ARID3A: variants seen among roughly 807,000 people sequenced by gnomAD.
The protein encoded by ARID3A is AT-rich interaction domain 3A, also known as AT-rich interactive domain-containing protein 3A.
In ARID3A, 11 loss-of-function variants were observed where a neutral mutation model predicts 52.7. That is an observed-to-expected ratio of 0.21 (90% CI 0.13 to 0.35). The LOEUF (loss-of-function observed/expected upper bound fraction) is 0.35. Among genes scored for constraint, ARID3A ranks in the 10% least tolerant of loss-of-function variants. ARID3A has a pLI of 1.00. For synonymous variants in ARID3A, 404 were observed against 359.4 expected (o/e 1.12, Z -1.40); for missense variants, 721 against 838.5 (o/e 0.86, Z 1.73).
At chr19:951,703 G>A (rs1312347935) in intron 3 of ARID3A, among the ~76,000 whole-genome samples, 1 of 152,216 alleles carries the variant, frequency 6.6e-6, no homozygotes. Flanking sequence ...TCAGGCTGCT[G>A]CCCGGAGGGG....
intron 3 of ARID3A, among the ~76,000 whole-genome samples, chr19:943,263 A>G (rs1010564127): frequency 2.0e-5 from 3 of 151,566 alleles, no homozygotes; most frequent in Non-Finnish European, 4.4e-5. Flanking sequence ...CCTGTGTCAA[A>G]AAAAGAAAAA....
At position 945,263 on chromosome 19, in the gene ARID3A, G is replaced by A. The variant is rs575737647; in HGVS notation, c.693+12521G>A. On this transcript the variant is annotated intron_variant, in intron 3 of 8. Transcript: ENST00000263620. The stretch of plus-strand genomic sequence containing the variant: ...CCTCTCGGCCTCAGTTTCCCCGCCC[G>A]TAAGACGGGGATGGTATCAGAAGGA... Among the ~76,000 whole-genome samples, 5 of 152,352 alleles carry A rather than the reference G, an allele frequency of 3.3e-5. No homozygotes were observed. In the South Asian group the frequency reaches 8.3e-4, roughly 25 times the overall value.
Position 941,151 on chromosome 19 carries a change from G to A in ARID3A, c.693+8409G>A, listed in dbSNP as rs531435361. Among the ~76,000 whole-genome samples the A allele has an allele frequency of 1.3e-3, 204 of 152,202 alleles. No homozygotes were observed. The highest frequency in any genetic ancestry group is 2.2e-3 in the Non-Finnish European group (153 of 68,014). On this transcript the variant is annotated intron_variant, in intron 3 of 8. Transcript: ENST00000263620. The surrounding 1 kb of genome is among the most constrained non-coding windows in gnomAD (Gnocchi z 6.9). Reference sequence around the variant, plus strand: ...CGCCCCATGCTTTCTAATAACACACGCGGCAGCCCGAGGGAGCGGTGCCCG... The same window carrying A: ...CGCCCCATGCTTTCTAATAACACACACGGCAGCCCGAGGGAGCGGTGCCCG...
At chr19:951,155 C>G (rs1324273643) in intron 3 of ARID3A, among the ~76,000 whole-genome samples, 1 of 152,100 alleles carries the variant, frequency 6.6e-6, no homozygotes, top group Admixed American at 6.5e-5. Flanking sequence ...CGGGGTCTCG[C>G]TGTGTTGCTG....
chr19:927,764 G>A (rs974905224), intron 1 of ARID3A, among the ~76,000 whole-genome samples: 5 of 152,080 alleles, frequency 3.3e-5, no homozygotes, highest in African/African-American at 1.2e-4. Context: ...GGACCGCCAG[G>A]CTCTCCTGGT....
rs1475205972 is a variant in ARID3A, at chr19:974,890, G to C, written c.*2825G>C. On this transcript the variant is annotated 3_prime_UTR_variant, in exon 9 of 9. Coordinates refer to ENST00000263620, the MANE Select transcript of ARID3A (RefSeq NM_005224.3). ...GGGGTGGGTGGGGGGTGGGCGCGAG[G>C]CTGGGTCCCGGCCCAGGAGAAGGAA... The C allele has an allele frequency of 1.8e-5, 4 of 227,058 alleles. No homozygotes were observed. The highest frequency in any genetic ancestry group is 2.6e-5 in the Non-Finnish European group (3 of 114,070). 14.1% of individuals were successfully genotyped at this position (227,058 alleles called of 1,614,324 possible).
rs980694080 is a variant in ARID3A, at chr19:944,145, G to A, written c.693+11403G>A. On this transcript the variant is annotated intron_variant, in intron 3 of 8. Coordinates refer to ENST00000263620, the MANE Select transcript of ARID3A (RefSeq NM_005224.3). The surrounding 1 kb of genome is among the most constrained non-coding windows in gnomAD (Gnocchi z 5.9). ...TGACCCTCTCATGGGCACTTACGGG[G>A]CACCTGCTGTATGCCAGCCTGCCTG... Among the ~76,000 whole-genome samples the A allele has an allele frequency of 6.6e-6, 1 of 152,068 alleles. No individual in the cohort carries two copies. Among genetic ancestry groups the A allele is most frequent in the African/African-American group, 2.4e-5 (1 of 41,404 alleles).
In ARID3A at chr19:964,522, A is replaced by C. The variant is rs1335043391; in HGVS notation, c.950+91A>C. 1.4e-6 allele frequency: 2 copies of C among 1,451,592 alleles called. No homozygotes were observed. Among genetic ancestry groups the C allele is most frequent in the East Asian group, 5.0e-5 (2 of 40,168 alleles). The allele number at this position is 1,451,592 out of a possible 1,614,324, so 89.9% of individuals were successfully genotyped here. A position where few individuals can be genotyped will look rare whatever the true frequency, so the allele number is the denominator to read the frequency against. Reference sequence around the variant, plus strand: ...GCAGAAGAGGGAGGGGGTGGTGGGCAGCTGCAGAGGAGGGGGCAGTGGGCA... The same window carrying C: ...GCAGAAGAGGGAGGGGGTGGTGGGCCGCTGCAGAGGAGGGGGCAGTGGGCA... On this transcript the variant is annotated intron_variant, in intron 5 of 8. Transcript: ENST00000263620. The surrounding 1 kb of genome is among the most constrained non-coding windows in gnomAD (Gnocchi z 5.7).
chr19:930,044 A>C, intron 2 of ARID3A, 148 bp downstream of exon 2: 1 of 1,224,538 alleles, frequency 8.2e-7, no homozygotes, highest in Admixed American at 2.5e-5. Context: ...TGGGAGGATC[A>C]CGTGGGCCCA....
rs966770969 is a variant in ARID3A, at chr19:942,142, G to A, written c.693+9400G>A. On this transcript the variant is annotated intron_variant, in intron 3 of 8. Coordinates refer to ENST00000263620, the MANE Select transcript of ARID3A (RefSeq NM_005224.3). The surrounding 1 kb of genome is among the most constrained non-coding windows in gnomAD (Gnocchi z 8.1). ...CGATGATGGAGCCCCAGTGGCCACC[G>A]AGCTATGGACAGGGCCGCTGGGGGT... 6.6e-6 allele frequency among the ~76,000 whole-genome samples: 1 copy of A among 152,150 alleles called. No individual in the cohort carries two copies. The highest frequency in any genetic ancestry group is 2.4e-5 in the African/African-American group (1 of 41,444).
At chr19:933,940 C>T (rs1431656394) in intron 3 of ARID3A, among the ~76,000 whole-genome samples, 1 of 152,004 alleles carries the variant, frequency 6.6e-6, no homozygotes, top group East Asian at 1.9e-4. Flanking sequence ...CACTGCCGCG[C>T]GTCCCATTCT....
intron 3 of ARID3A, among the ~76,000 whole-genome samples, chr19:952,764 G>A (rs1348761609): frequency 3.3e-5 from 5 of 152,136 alleles, no homozygotes; most frequent in African/African-American, 7.2e-5. Flanking sequence ...GGGCCTGGGG[G>A]GCAAAGGTTC....
At chr19:935,563 G>T (rs976690428) in intron 3 of ARID3A, among the ~76,000 whole-genome samples, 13 of 152,088 alleles carry the variant, frequency 8.5e-5, no homozygotes. Flanking sequence ...CTGCAGCCTC[G>T]ATCTCCTGGG....
chr19:931,776 G>A (rs2037333790), intron 2 of ARID3A, among the ~76,000 whole-genome samples: 1 of 150,176 alleles, frequency 6.7e-6, no homozygotes, highest in Admixed American at 6.6e-5. Flanking sequence ...TTGCGCCGTT[G>A]CACTCCAGCC....
intron 1 of ARID3A, among the ~76,000 whole-genome samples, chr19:927,506 G>C (rs1054433478): frequency 2.0e-5 from 3 of 152,090 alleles, no homozygotes; most frequent in Admixed American, 1.3e-4. Context: ...AGCAGGGCTC[G>C]GAGCGGGCTG....
Position 960,188 on chromosome 19 carries a change from C to T in ARID3A, c.766+24C>T. 1 of 1,587,940 alleles carries T rather than the reference C, an allele frequency of 6.3e-7. No individual in the cohort carries two copies. Among genetic ancestry groups the T allele is most frequent in the Non-Finnish European group, 8.6e-7 (1 of 1,163,014 alleles). ...AGGTGAGCCCTCTGCCCCCACCCCG[C>T]TGGAGGGAGGTCACAGAAACAGGGC... On this transcript the variant is annotated intron_variant, in intron 4 of 8. Transcript: ENST00000263620. The surrounding 1 kb of genome is among the most constrained non-coding windows in gnomAD (Gnocchi z 4.3).
Position 944,719 on chromosome 19 carries a change from G to A in ARID3A, c.693+11977G>A, listed in dbSNP as rs2037640224. Among the ~76,000 whole-genome samples, 1 of 152,122 alleles carries A rather than the reference G, an allele frequency of 6.6e-6. No individual in the cohort carries two copies. The highest frequency in any genetic ancestry group is 1.5e-5 in the Non-Finnish European group (1 of 68,022). ...TAGCTCACTGCAGCCTCGACCTCCC[G>A]GGCTCCGGTGATCTTCCCGTGTCAG... On this transcript the variant is annotated intron_variant, in intron 3 of 8. Coordinates refer to ENST00000263620, the MANE Select transcript of ARID3A (RefSeq NM_005224.3). The surrounding 1 kb of genome is among the most constrained non-coding windows in gnomAD (Gnocchi z 5.9).
At chr19:934,749 G>A (rs976064577) in intron 3 of ARID3A, among the ~76,000 whole-genome samples, 6 of 152,098 alleles carry the variant, frequency 3.9e-5, no homozygotes, top group African/African-American at 1.4e-4. Context: ...GCGGGGGTGG[G>A]GGGAGGCCCC....
chr19:943,964 C>G (rs911083124), intron 3 of ARID3A, among the ~76,000 whole-genome samples: 3 of 150,326 alleles, frequency 2.0e-5, no homozygotes, highest in Non-Finnish European at 4.4e-5. Flanking sequence ...TGGGCACTTA[C>G]GGGGCACCTG....
Sources: allele counts gnomAD v4.1 joint callset (sites outside exome capture counted in the v4.1 genomes callset), GRCh38; gene constraint gnomAD v4.1.1; non-coding constraint Gnocchi (gnomAD v3.1); transcripts MANE v1.5; gene names NCBI Gene and HGNC (gene_info 2026-07-23, HGNC 2026-07-21).